The following PVT1 variants were observed in gnomAD, a reference collection of about 807,000 sequenced individuals.
PVT1 encodes the protein CXCR4/PVT1 fusion.
intron 4 of PVT1, among the ~76,000 whole-genome samples, chr8:128,043,773 TACAC>T (rs112991135): frequency 0.4 from 56,200 of 140,578 alleles, 11,285 homozygotes; most frequent in East Asian, 0.68. Flanking sequence ...AACTATTTCC[TACAC>T]ACACACACAC....
rs1387849977 is a variant in PVT1 at position 127,898,881 on chromosome 8, G to C, written n.782+7883G>C. 6.6e-6 allele frequency among the ~76,000 whole-genome samples: 1 copy of C among 152,154 alleles called. No individual in the cohort carries two copies. Among genetic ancestry groups the C allele is most frequent in the Non-Finnish European group, 1.5e-5 (1 of 68,020 alleles). ...CTTTATCACTCCACAAGGGGTGGGG[G>C]TACTGGACAGAAAGAGTGTGTCCCA... On this transcript the variant is annotated intron_variant and non_coding_transcript_variant, in intron 3 of 10. Coordinates refer to ENST00000651587, the Ensembl canonical transcript of PVT1. The surrounding 1 kb of genome is among the most constrained non-coding windows in gnomAD (Gnocchi z 4.4).
intron 4 of PVT1, among the ~76,000 whole-genome samples, chr8:128,047,935 G>A (rs1159979373): frequency 1.3e-5 from 2 of 152,088 alleles, no homozygotes; most frequent in African/African-American, 4.8e-5. Context: ...AAGTAATTGG[G>A]AACAATCTTG....
At chr8:128,065,200 AT>A (rs796232493) in intron 4 of PVT1, among the ~76,000 whole-genome samples, 4,352 of 50,428 alleles carry the variant, frequency 0.086, 149 homozygotes, top group East Asian at 0.35. Context: ...TTTATTTTTT[AT>A]TTTTTTTTGA....
intron 2 of PVT1, among the ~76,000 whole-genome samples, chr8:127,848,931 G>A (rs1283883199): frequency 6.6e-6 from 1 of 152,192 alleles, no homozygotes; most frequent in Non-Finnish European, 1.5e-5. Context: ...GCCCTCCCCA[G>A]GGCATGGTGT....
At chr8:127,801,177 A>G (rs1814461505) in intron 2 of PVT1, among the ~76,000 whole-genome samples, 1 of 152,220 alleles carries the variant, frequency 6.6e-6, no homozygotes. Context: ...GAGAGCCTGC[A>G]GGGCATTCCA....
Position 127,935,980 on chromosome 8 carries a change from T to A in PVT1, n.782+44982T>A, listed in dbSNP as rs552198887. Among the ~76,000 whole-genome samples the A allele has an allele frequency of 4.3e-3, 641 of 149,630 alleles. 4 individuals are homozygous for A. Among genetic ancestry groups the A allele is most frequent in the African/African-American group, 0.015 (611 of 40,646 alleles). On this transcript the variant is annotated intron_variant and non_coding_transcript_variant, in intron 3 of 10. Transcript: ENST00000651587. ...CACGTGAGGGTGGAAGTGGTTTGAA[T>A]GAGGAATGGTCTTGAGGTAAGAGTT...
At chr8:127,981,586 A>G (rs1298517038) in intron 3 of PVT1, among the ~76,000 whole-genome samples, 5 of 152,226 alleles carry the variant, frequency 3.3e-5, no homozygotes. Context: ...TTTAGGGCTG[A>G]CTTAATAACT....
At chr8:128,023,265 A>G (rs1238861593) in intron 4 of PVT1, among the ~76,000 whole-genome samples, 2 of 152,190 alleles carry the variant, frequency 1.3e-5, no homozygotes, top group East Asian at 3.8e-4. Context: ...TTCCGGGAGA[A>G]GAAAGAATGA....
intron 2 of PVT1, among the ~76,000 whole-genome samples, chr8:127,869,671 A>C (rs1761117900): frequency 6.6e-6 from 1 of 152,186 alleles, no homozygotes; most frequent in South Asian, 2.1e-4. Context: ...AAGCTTGAGA[A>C]TGTTTGTCAT....
At chr8:127,806,507 T>C (rs747107184) in intron 2 of PVT1, among the ~76,000 whole-genome samples, 2 of 152,178 alleles carry the variant, frequency 1.3e-5, no homozygotes, top group African/African-American at 4.8e-5. Flanking sequence ...GAAAAGATTC[T>C]GAATTTTGCT....
chr8:128,034,452 C>T (rs754282212), intron 4 of PVT1, among the ~76,000 whole-genome samples: 1 of 152,218 alleles, frequency 6.6e-6, no homozygotes, highest in Admixed American at 6.5e-5. Flanking sequence ...GGGCTTCGCT[C>T]TGGTCCAGAA....
At chr8:127,828,595 G>C (rs1814816584) in intron 2 of PVT1, among the ~76,000 whole-genome samples, 1 of 152,066 alleles carries the variant, frequency 6.6e-6, no homozygotes, top group Non-Finnish European at 1.5e-5. Context: ...TCTTCACGGT[G>C]GTTTTGGGAG....
chr8:127,868,868 T>C (rs1397977706), intron 2 of PVT1, among the ~76,000 whole-genome samples: 3 of 149,296 alleles, frequency 2.0e-5, no homozygotes, highest in African/African-American at 7.4e-5. Flanking sequence ...ACTTTAAGAA[T>C]TACTTAAAAT....
At chr8:128,065,976 G>C (rs184232297) in intron 4 of PVT1, among the ~76,000 whole-genome samples, 1 of 152,342 alleles carries the variant, frequency 6.6e-6, no homozygotes, top group Admixed American at 6.5e-5. Context: ...GGCAACAACA[G>C]ATGACAGATC....
At chr8:127,963,036 C>T (rs929355722) in intron 3 of PVT1, among the ~76,000 whole-genome samples, 3 of 152,174 alleles carry the variant, frequency 2.0e-5, no homozygotes, top group South Asian at 2.1e-4. Context: ...CTCTGGCCTG[C>T]GGGATTGAGA....
intron 2 of PVT1, among the ~76,000 whole-genome samples, chr8:127,861,366 T>C (rs1300874139): frequency 6.6e-6 from 1 of 152,168 alleles, no homozygotes; most frequent in Non-Finnish European, 1.5e-5. Context: ...CCCAGCACTT[T>C]GGGAGGCCAA....
intron 3 of PVT1, among the ~76,000 whole-genome samples, chr8:127,976,044 G>C (rs1378485254): frequency 6.6e-6 from 1 of 152,226 alleles, no homozygotes; most frequent in East Asian, 1.9e-4. Context: ...AGCCAGGATG[G>C]ATTTTAAAGA....
chr8:127,954,285 C>T (rs892874738), intron 3 of PVT1, among the ~76,000 whole-genome samples: 2 of 143,380 alleles, frequency 1.4e-5, no homozygotes, highest in South Asian at 4.4e-4. Context: ...TGAGACTCAA[C>T]AAGTACCCAC....
At chr8:127,924,823 T>A (rs968141051) in intron 3 of PVT1, among the ~76,000 whole-genome samples, 16 of 152,176 alleles carry the variant, frequency 1.1e-4, no homozygotes, top group Admixed American at 8.5e-4. Flanking sequence ...AACTTTTGTA[T>A]TTTTAGTAGA....
Sources: allele counts gnomAD v4.1 joint callset (sites outside exome capture counted in the v4.1 genomes callset), GRCh38; gene constraint gnomAD v4.1.1; non-coding constraint Gnocchi (gnomAD v3.1); transcripts MANE v1.5; gene names NCBI Gene and HGNC (gene_info 2026-07-23, HGNC 2026-07-21).